ANKRD28: variants seen among roughly 807,000 people sequenced by gnomAD.
ANKRD28 encodes the protein ankyrin repeat domain 28.
ANKRD28 carries 44 observed loss-of-function variants against 126.5 expected under a neutral mutation model. The ratio of observed to expected loss-of-function variants is 0.35; its 90% CI spans 0.27 to 0.45. ANKRD28 has a LOEUF of 0.45. ANKRD28 is among the 20% of genes least tolerant of loss of function. The pLI, the probability that ANKRD28 is intolerant of heterozygous loss-of-function variation, is 1.00. For synonymous variants in ANKRD28, 442 were observed against 468.5 expected, an observed-to-expected ratio of 0.94 and a Z score of 0.73; for missense variants, 1,110 against 1,316.6, an observed-to-expected ratio of 0.84 and a Z score of 2.43.
intron 7 of ANKRD28, 128 bp from the exon 8 acceptor site, chr3:15,721,255 A>T: frequency 6.6e-6 from 5 of 753,240 alleles, no homozygotes; most frequent in Non-Finnish European, 1.1e-5. Flanking sequence ...ATAAGTACAG[A>T]GATAAGGCTT....
intron 18 of ANKRD28, chr3:15,689,792 A>C (rs1428142356): frequency 6.3e-6 from 3 of 479,598 alleles, no homozygotes; most frequent in African/African-American, 1.9e-5. Context: ...CACTGTATTT[A>C]AGTTCCCTGA....
At chr3:15,701,030 GA>G (rs1163357315) in intron 14 of ANKRD28, among the ~76,000 whole-genome samples, 1 of 152,020 alleles carries the variant, frequency 6.6e-6, no homozygotes, top group Non-Finnish European at 1.5e-5. Context: ...ACTACCTGGG[GA>G]AAAAATTCTT....
At chr3:15,784,334 T>C (rs1305535159) in intron 2 of ANKRD28, among the ~76,000 whole-genome samples, 3 of 151,974 alleles carry the variant, frequency 2.0e-5, no homozygotes, top group Non-Finnish European at 1.5e-5. Context: ...CATGTATGCT[T>C]ATATGTAAGT....
At chr3:15,679,775 T>C (rs1039891347) in intron 21 of ANKRD28, among the ~76,000 whole-genome samples, 2 of 152,102 alleles carry the variant, frequency 1.3e-5, no homozygotes, top group Non-Finnish European at 2.9e-5. Flanking sequence ...ACAAAATACA[T>C]ACAGTTGGCT....
At chr3:15,832,267 TG>T (rs1383061177) in intron 1 of ANKRD28, among the ~76,000 whole-genome samples, 1 of 152,210 alleles carries the variant, frequency 6.6e-6, no homozygotes, top group Non-Finnish European at 1.5e-5. Context: ...AAGTTAAATG[TG>T]GTAAGTGAAA....
At chr3:15,738,123 T>A (rs1356890314) in intron 4 of ANKRD28, among the ~76,000 whole-genome samples, 1 of 152,144 alleles carries the variant, frequency 6.6e-6, no homozygotes, top group East Asian at 1.9e-4. Flanking sequence ...CTCAACAAAA[T>A]TTTTCTTTCA....
intron 15 of ANKRD28, among the ~76,000 whole-genome samples, chr3:15,695,898 C>T (rs1351047812): frequency 6.6e-6 from 1 of 151,960 alleles, no homozygotes. Context: ...ATAGTGTAGA[C>T]ATGAACATGG....
intron 1 of ANKRD28, among the ~76,000 whole-genome samples, chr3:15,832,981 T>G (rs905377324): frequency 6.6e-6 from 1 of 152,240 alleles, no homozygotes; most frequent in African/African-American, 2.4e-5. Flanking sequence ...ATCACTATTT[T>G]TAGTTCTTTG....
intron 5 of ANKRD28, 147 bp from the exon 6 acceptor site, chr3:15,735,644 T>G (rs867637101): frequency 3.3e-6 from 2 of 601,528 alleles, no homozygotes; most frequent in Middle Eastern, 5.3e-4. Flanking sequence ...ATACTGAAGG[T>G]CATTTAACAT....
At chr3:15,743,754 G>A (rs751601255) in intron 4 of ANKRD28, among the ~76,000 whole-genome samples, 1 of 152,170 alleles carries the variant, frequency 6.6e-6, no homozygotes, top group Admixed American at 6.5e-5. Context: ...AGTAGGAGGT[G>A]GTGTGGAAAC....
At chr3:15,704,265 C>A (rs762335298) in intron 14 of ANKRD28, among the ~76,000 whole-genome samples, 5 of 151,826 alleles carry the variant, frequency 3.3e-5, no homozygotes, top group Non-Finnish European at 7.4e-5. Context: ...GGCATCAGGA[C>A]AATGGGGGTA....
Position 15,690,023 on chromosome 3 carries a change from T to C in ANKRD28, c.1959A>G (p.Ala653=). 1 of 1,605,482 alleles carries C rather than the reference T, an allele frequency of 6.2e-7. No individual in the cohort carries two copies. The highest frequency in any genetic ancestry group is 1.1e-5 in the South Asian group (1 of 89,370). Residue 653 remains alanine, a synonymous_variant, in exon 18 of 28, where the codon GCA becomes GCG. Coordinates refer to ENST00000683139, the MANE Select transcript of ANKRD28 (RefSeq NM_001349278.2). ...DYILKRTPIH[A]AATNGHSECL... ...CAAGCATAATATCTGGCATACCTGCTGCATGAATAGGTGTCCTCTTCAAAA... is the reference window on the plus strand; with the variant it reads ...CAAGCATAATATCTGGCATACCTGCCGCATGAATAGGTGTCCTCTTCAAAA...
chr3:15,744,409 G>A (rs894603089), intron 4 of ANKRD28, among the ~76,000 whole-genome samples: 7 of 151,018 alleles, frequency 4.6e-5, no homozygotes, highest in Non-Finnish European at 1.0e-4. Flanking sequence ...TGCCTCCCAG[G>A]TTCAAGCGAT....
At position 15,833,095 on chromosome 3, in the gene ANKRD28, A is replaced by C. The variant is rs1575790062; in HGVS notation, c.27+26282T>G. Reference sequence around the variant, plus strand: ...CTTTTCTTCACACCTGTGATGGTTAAAACTGAGTGTCAACTTGATTGGATT... The same window carrying C: ...CTTTTCTTCACACCTGTGATGGTTACAACTGAGTGTCAACTTGATTGGATT... On this transcript the variant is annotated intron_variant, in intron 1 of 27. Transcript: ENST00000399451. The surrounding 1 kb of genome is among the most constrained non-coding windows in gnomAD (Gnocchi z 4.4). 6.6e-6 allele frequency among the ~76,000 whole-genome samples: 1 copy of C among 152,196 alleles called. No homozygotes were observed. The highest frequency in any genetic ancestry group is 1.9e-4 in the East Asian group (1 of 5,196).
At chr3:15,802,429 C>T (rs980139853), upstream of ANKRD28, among the ~76,000 whole-genome samples, 2 of 152,130 alleles carry the variant, frequency 1.3e-5, no homozygotes, top group African/African-American at 4.8e-5. Context: ...TGTAATTTTG[C>T]ATCTCTGGTA....
At position 15,692,144 on chromosome 3, in the gene ANKRD28, T is replaced by TAAAAAA. The variant is rs908039642; in HGVS notation, c.1762-1930_1762-1925dup. ...GACAGAATGAGATTGTATCTCTAAA[T>TAAAAAA]AAAAAAAAAAAAAAAAAAAAAATGA... On this transcript the variant is annotated intron_variant, in intron 17 of 27. Coordinates refer to ENST00000683139, the MANE Select transcript of ANKRD28 (RefSeq NM_001349278.2). Among the ~76,000 whole-genome samples, 7 of 98,680 alleles carry TAAAAAA rather than the reference T, an allele frequency of 7.1e-5. No homozygotes were observed. The East Asian group carries it at 1.2e-3, about 16-fold the overall frequency. The allele number at this position is 98,680 out of a possible 152,430, so 64.7% of individuals were successfully genotyped here. A position where few individuals can be genotyped will look rare whatever the true frequency, so the allele number is the denominator to read the frequency against.
intron 8 of ANKRD28, among the ~76,000 whole-genome samples, chr3:15,717,611 A>G (rs1294622942): frequency 6.6e-6 from 1 of 152,158 alleles, no homozygotes; most frequent in Non-Finnish European, 1.5e-5. Flanking sequence ...AAAAACAGTA[A>G]CTACAAGCCA....
At chr3:15,701,180 C>T (rs1416958152) in intron 14 of ANKRD28, among the ~76,000 whole-genome samples, 1 of 152,212 alleles carries the variant, frequency 6.6e-6, no homozygotes, top group Non-Finnish European at 1.5e-5. Flanking sequence ...TATTTCAATG[C>T]TAACACTTAT....
At chr3:15,809,698 C>A (rs1039782907) in intron 1 of ANKRD28, among the ~76,000 whole-genome samples, 1 of 152,104 alleles carries the variant, frequency 6.6e-6, no homozygotes, top group East Asian at 1.9e-4. Context: ...TGCATTTAAG[C>A]CAATTTGAGT....
Sources: gnomAD v4.1 joint callset for allele counts (sites outside exome capture counted in the v4.1 genomes callset) on GRCh38, gnomAD v4.1.1 for gene constraint, Gnocchi (gnomAD v3.1) non-coding constraint, MANE v1.5 for transcripts, NCBI Gene and HGNC (gene_info 2026-07-23, HGNC 2026-07-21) for gene names.